Variants in BRMS1L observed in about 807,000 individuals in gnomAD.
BRMS1L encodes BRMS1 like transcriptional repressor.
In BRMS1L, 23 loss-of-function variants were observed where a neutral mutation model predicts 50.3. The observed-to-expected ratio is 0.46, with a 90% CI of 0.33 to 0.65. The LOEUF (loss-of-function observed/expected upper bound fraction) is 0.65, where lower values mean the gene tolerates loss of function less well. Ranked by LOEUF, BRMS1L falls within the 30% of genes least tolerant of loss-of-function variation. The pLI is 0.02. For missense variants in BRMS1L, 286 were observed against 386.1 expected (o/e 0.74, Z 2.17); for synonymous variants, 114 against 126.9 (o/e 0.90, Z 0.69).
At chr14:35,864,131 GGA>G (rs745749641) in intron 6 of BRMS1L, among the ~76,000 whole-genome samples, 178 bp downstream of exon 6, 2 of 152,172 alleles carry the variant, frequency 1.3e-5, no homozygotes, top group Non-Finnish European at 2.9e-5. Flanking sequence ...CTTTAGGTCA[GGA>G]GAGGTGGCAG....
In BRMS1L at chr14:35,831,487, G is replaced by A. The variant is rs1208910526; in HGVS notation, c.220G>A (p.Asp74Asn). 4 of 1,612,778 alleles carry A rather than the reference G, an allele frequency of 2.5e-6. No individual in the cohort carries two copies. The highest frequency in any genetic ancestry group is 2.2e-5 in the East Asian group (1 of 44,860). Residue 74 changes from aspartate (D) to asparagine (N), a missense_variant, in exon 2 of 10, where the codon GAT (aspartate) becomes AAT (asparagine). Asp to Asn is a conservative substitution (Grantham distance 23, BLOSUM62 1). Around this residue, in one of 5 missense-constraint regions of BRMS1L, gnomAD observed 160 missense variants for 240.6 expected, o/e 0.66. Coordinates refer to ENST00000216807, the MANE Select transcript of BRMS1L (RefSeq NM_032352.4). ...GTCCAATCTTGAAAAACAGTTTACC[G>A]ATCTCAAAGATCAGTAAGTAGTGAC... ...EMSNLEKQFT[D>N]LKDQLYKERL...
intron 4 of BRMS1L, among the ~76,000 whole-genome samples, chr14:35,844,315 C>T (rs549834032): frequency 2.0e-5 from 3 of 152,252 alleles, no homozygotes; most frequent in Admixed American, 6.5e-5. Flanking sequence ...GCCCTGGTGA[C>T]GTAGGAACCC....
intron 3 of BRMS1L, among the ~76,000 whole-genome samples, chr14:35,833,505 T>A (rs947238356): frequency 6.6e-6 from 1 of 152,146 alleles, no homozygotes; most frequent in Non-Finnish European, 1.5e-5. Flanking sequence ...TTATAAAAAA[T>A]TTTAAAAATG....
intron 9 of BRMS1L, among the ~76,000 whole-genome samples, chr14:35,868,273 C>T (rs566624442): frequency 6.6e-6 from 1 of 152,266 alleles, no homozygotes; most frequent in South Asian, 2.1e-4. Flanking sequence ...AATTATTTAG[C>T]CAGGTAGCTG....
At chr14:35,836,486 G>A (rs2077995631) in intron 4 of BRMS1L, among the ~76,000 whole-genome samples, 1 of 152,000 alleles carries the variant, frequency 6.6e-6, no homozygotes, top group African/African-American at 2.4e-5. Context: ...GACTACAGAT[G>A]CATGCCATCA....
At chr14:35,851,300 C>T in intron 4 of BRMS1L, among the ~76,000 whole-genome samples, 1 of 151,030 alleles carries the variant, frequency 6.6e-6, no homozygotes, top group Non-Finnish European at 1.5e-5. Context: ...CAATGGAGTA[C>T]CATGAGGATG....
rs142771713 is a variant in BRMS1L at position 35,843,028 on chromosome 14, A to G, written c.441+8105A>G. On this transcript the variant is annotated intron_variant, in intron 4 of 9. Coordinates refer to ENST00000216807, the MANE Select transcript of BRMS1L (RefSeq NM_032352.4). ...TCATGCTGTGTTTTTCAGCTCCATCAGGACATTTATGTTCTTCCCTTAACT... is the reference window on the plus strand; with the variant it reads ...TCATGCTGTGTTTTTCAGCTCCATCGGGACATTTATGTTCTTCCCTTAACT... 2.9e-3 allele frequency among the ~76,000 whole-genome samples: 439 copies of G among 152,294 alleles called. 3 individuals carry two copies. The highest frequency in any genetic ancestry group is 9.9e-3 in the African/African-American group (410 of 41,560).
intron 4 of BRMS1L, among the ~76,000 whole-genome samples, chr14:35,837,155 T>G (rs1235482625): frequency 2.0e-5 from 3 of 151,998 alleles, no homozygotes; most frequent in Non-Finnish European, 4.4e-5. Flanking sequence ...CTTGGGAGTC[T>G]GAGACAGGAG....
At chr14:35,868,055 A>G in intron 9 of BRMS1L, 23 bp downstream of exon 9, 1 of 1,574,548 alleles carries the variant, frequency 6.4e-7, no homozygotes, top group Non-Finnish European at 8.6e-7. Context: ...TTGTTATTTC[A>G]GTGTTGCTCA....
At chr14:35,846,898 TTA>T (rs1180750559) in intron 4 of BRMS1L, among the ~76,000 whole-genome samples, 1 of 152,182 alleles carries the variant, frequency 6.6e-6, no homozygotes, top group African/African-American at 2.4e-5. Flanking sequence ...TTGGTCTACT[TTA>T]TCTTTCCCTT....
chr14:35,832,063 C>G (rs2077926560), intron 2 of BRMS1L, among the ~76,000 whole-genome samples: 1 of 152,120 alleles, frequency 6.6e-6, no homozygotes, highest in African/African-American at 2.4e-5. Context: ...ACAGGGACCT[C>G]CTGCCCCATT....
chr14:35,850,492 G>A (rs957378536), intron 4 of BRMS1L, among the ~76,000 whole-genome samples: 2 of 152,076 alleles, frequency 1.3e-5, no homozygotes, highest in South Asian at 4.1e-4. Flanking sequence ...CACTGTGCCC[G>A]GCCTTCAGTA....
intron 4 of BRMS1L, among the ~76,000 whole-genome samples, chr14:35,843,528 G>C (rs942088611): frequency 3.3e-5 from 5 of 152,214 alleles, no homozygotes; most frequent in Non-Finnish European, 7.4e-5. Context: ...AAACAGCAAA[G>C]ATTGCTGCCT....
At chr14:35,836,096 T>C (rs1233983347) in intron 4 of BRMS1L, among the ~76,000 whole-genome samples, 2 of 152,206 alleles carry the variant, frequency 1.3e-5, no homozygotes, top group Non-Finnish European at 2.9e-5. Context: ...ACTAGCTGCT[T>C]GGATATTTTT....
chr14:35,833,700 C>T (rs2077955926), intron 3 of BRMS1L, among the ~76,000 whole-genome samples: 1 of 152,074 alleles, frequency 6.6e-6, no homozygotes, highest in Admixed American at 6.6e-5. Flanking sequence ...CATGTCCTGG[C>T]ACTCATAATC....
chr14:35,854,238 G>A (rs2078251077), intron 4 of BRMS1L, among the ~76,000 whole-genome samples: 1 of 152,066 alleles, frequency 6.6e-6, no homozygotes, highest in East Asian at 1.9e-4. Flanking sequence ...CCTTCACTAA[G>A]AGTCTCTTAG....
At chr14:35,848,684 A>G (rs1469681281) in intron 4 of BRMS1L, among the ~76,000 whole-genome samples, 1 of 151,970 alleles carries the variant, frequency 6.6e-6, no homozygotes, top group Non-Finnish European at 1.5e-5. Flanking sequence ...TTTTTTTTAG[A>G]TCCTACATGT....
At chr14:35,826,741 T>C in intron 1 of BRMS1L, 83 bp downstream of exon 1, 1 of 1,554,090 alleles carries the variant, frequency 6.4e-7, no homozygotes, top group Non-Finnish European at 8.7e-7. Flanking sequence ...GGCTGCGTCC[T>C]GCTGGGAAAG....
rs1430169214 is a variant in BRMS1L at position 35,871,317 on chromosome 14, A to G, written c.*840A>G. On this transcript the variant is annotated 3_prime_UTR_variant, in exon 10 of 10. Transcript: ENST00000216807. ...AAACAGATTTTAGTAAGCATTTTCC[A>G]GAGGTAAAACTGTGTCCTTATTCTA... is the stretch of plus-strand genomic sequence containing the variant. The G allele has an allele frequency of 1.3e-5, 2 of 152,642 alleles. No homozygotes were observed. The highest frequency in any genetic ancestry group is 6.5e-5 in the Admixed American group (1 of 15,278). 9.5% of individuals were successfully genotyped at this position (152,642 alleles called of 1,614,324 possible). A position where few individuals can be genotyped will look rare whatever the true frequency, so the allele number is the denominator to read the frequency against.
Sources: allele counts gnomAD v4.1 joint callset (sites outside exome capture counted in the v4.1 genomes callset), GRCh38; gene constraint gnomAD v4.1.1; regional missense constraint gnomAD v4.1.1; transcripts MANE v1.5; gene names NCBI Gene and HGNC (gene_info 2026-07-23, HGNC 2026-07-21).